The following NETO1 variants were observed in gnomAD, a reference collection of about 807,000 sequenced individuals.
NETO1 encodes the protein neuropilin and tolloid-like protein 1.
A neutral mutation model predicts 61.3 loss-of-function variants in NETO1; 26 were observed. The observed-to-expected ratio is 0.42, with a 90% CI of 0.31 to 0.59. The LOEUF (loss-of-function observed/expected upper bound fraction) is 0.59. Ranked by LOEUF, NETO1 falls within the 20% of genes least tolerant of loss-of-function variation. The pLI, the probability that NETO1 is intolerant of heterozygous loss-of-function variation, is 0.12. For synonymous variants in NETO1, 225 were observed against 225.8 expected, an observed-to-expected ratio of 1.00 and a Z score of 0.03; for missense variants, 531 against 662.8, an observed-to-expected ratio of 0.80 and a Z score of 2.18.
At chr18:72,748,752 T>C (rs1470708850) in intron 10 of NETO1, among the ~76,000 whole-genome samples, 2 of 152,102 alleles carry the variant, frequency 1.3e-5, no homozygotes, top group African/African-American at 2.4e-5. Flanking sequence ...AAAGTTTAGA[T>C]TATTAATTTG....
At chr18:72,835,892 C>G (rs554841336) in intron 4 of NETO1, among the ~76,000 whole-genome samples, 1 of 152,114 alleles carries the variant, frequency 6.6e-6, no homozygotes, top group East Asian at 1.9e-4. Flanking sequence ...GAGAGGAAAA[C>G]AAATAAATAC....
At position 72,865,521 on chromosome 18, in the gene NETO1, A is replaced by G. The variant is rs1599200424; in HGVS notation, c.29-280T>C. On this transcript the variant is annotated intron_variant, in intron 1 of 10. Coordinates refer to ENST00000327305, the MANE Select transcript of NETO1 (RefSeq NM_138966.5). ...CTAAAGGCAACATGTCAATTTACTC[A>G]TGTCACACACAGTACAGTGGGACTA... The G allele has an allele frequency of 1.6e-5, 25 of 1,581,958 alleles. No individual in the cohort carries two copies. The East Asian group carries it at 5.4e-4, about 34-fold the overall frequency.
chr18:72,772,815 CTCTCTCTCTCTA>C (rs2071408710), intron 7 of NETO1, among the ~76,000 whole-genome samples: 1 of 53,816 alleles, frequency 1.9e-5, no homozygotes, highest in Non-Finnish European at 3.6e-5. Flanking sequence ...CTCTCTCTCT[CTCTCTCTCTCTA>C]TATATATATA....
chr18:72,785,202 AT>A (rs151329921), intron 6 of NETO1, among the ~76,000 whole-genome samples: 5,215 of 151,646 alleles, frequency 0.034, 117 homozygotes, highest in African/African-American at 0.059. Context: ...TTCTGTATGT[AT>A]TTTTTTCTTA....
At chr18:72,766,851 TC>T (rs1401466629) in intron 7 of NETO1, among the ~76,000 whole-genome samples, 1 of 152,216 alleles carries the variant, frequency 6.6e-6, no homozygotes, top group Non-Finnish European at 1.5e-5. Context: ...TATTTTATCT[TC>T]CCTAGAAATT....
Position 72,835,241 on chromosome 18 carries a change from A to T in NETO1, c.469+23585T>A. 3 of 1,526,976 alleles carry T rather than the reference A, an allele frequency of 2.0e-6. No homozygotes were observed. The South Asian group carries it at 3.8e-5, about 19-fold the overall frequency. 94.6% of individuals were successfully genotyped at this position (1,526,976 alleles called of 1,614,324 possible). ...GTTAGATCAACGTTCTGGGCACCAC[A>T]GCATCCAGAGATGAGATGATGGAGA... On this transcript the variant is annotated intron_variant, in intron 4 of 10. Transcript: ENST00000327305.
intron 4 of NETO1, among the ~76,000 whole-genome samples, chr18:72,818,081 A>C (rs2145266213): frequency 6.6e-6 from 1 of 152,298 alleles, no homozygotes; most frequent in African/African-American, 2.4e-5. Flanking sequence ...AAATAAGATC[A>C]GCTTTCGTAA....
At chr18:72,827,739 A>G (rs1407508523) in intron 4 of NETO1, among the ~76,000 whole-genome samples, 1 of 149,580 alleles carries the variant, frequency 6.7e-6, no homozygotes, top group Non-Finnish European at 1.5e-5. Flanking sequence ...AAAAAAAAAG[A>G]AAGGGGAAAA....
chr18:72,823,221 A>C (rs2073261033), intron 4 of NETO1, among the ~76,000 whole-genome samples: 1 of 152,214 alleles, frequency 6.6e-6, no homozygotes, highest in African/African-American at 2.4e-5. Context: ...AAAAATTGCT[A>C]ACCTCATGGC....
intron 7 of NETO1, among the ~76,000 whole-genome samples, chr18:72,768,875 A>T (rs1176527155): frequency 6.6e-6 from 1 of 152,348 alleles, no homozygotes; most frequent in East Asian, 1.9e-4. Flanking sequence ...GCACTCCAGA[A>T]GTGTAAGATA....
At chr18:72,774,013 C>A (rs1183043396) in intron 7 of NETO1, among the ~76,000 whole-genome samples, 2 of 151,900 alleles carry the variant, frequency 1.3e-5, no homozygotes, top group Admixed American at 6.6e-5. Flanking sequence ...TAACATAAAA[C>A]TAAATGCATT....
rs966351495 is a variant in NETO1 at position 72,745,741 on chromosome 18, A to T, written c.*2438T>A. The T allele has an allele frequency of 1.2e-4, 18 of 152,352 alleles. No individual in the cohort carries two copies. Among genetic ancestry groups the T allele is most frequent in the African/African-American group, 3.8e-4 (16 of 41,576 alleles). The allele number at this position is 152,352 out of a possible 1,614,324, so 9.4% of individuals were successfully genotyped here. Reference sequence around the variant, plus strand: ...GCACCGCCAGAGCCCTCCAGAGAACATCTCCCAACTCTGCCAGAGCGCTGC... The same window carrying T: ...GCACCGCCAGAGCCCTCCAGAGAACTTCTCCCAACTCTGCCAGAGCGCTGC... On this transcript the variant is annotated 3_prime_UTR_variant, in exon 11 of 11. Coordinates refer to ENST00000327305, the MANE Select transcript of NETO1 (RefSeq NM_138966.5).
intron 4 of NETO1, among the ~76,000 whole-genome samples, chr18:72,809,105 C>T (rs2072777598): frequency 6.6e-6 from 1 of 152,156 alleles, no homozygotes; most frequent in South Asian, 2.1e-4. Flanking sequence ...TCTGTAAGTT[C>T]TAGCCATCAC....
At chr18:72,759,810 C>T (rs563535452) in intron 7 of NETO1, among the ~76,000 whole-genome samples, 4 of 152,264 alleles carry the variant, frequency 2.6e-5, no homozygotes, top group African/African-American at 9.6e-5. Context: ...GCTATTGTCC[C>T]TTATAAACCA....
At chr18:72,858,262 G>A (rs2074464747) in intron 4 of NETO1, among the ~76,000 whole-genome samples, 1 of 152,118 alleles carries the variant, frequency 6.6e-6, no homozygotes, top group African/African-American at 2.4e-5. Context: ...TTTGATAATT[G>A]CACACAATTT....
chr18:72,788,525 T>C (rs1568200849), intron 6 of NETO1, among the ~76,000 whole-genome samples: 3 of 151,980 alleles, frequency 2.0e-5, no homozygotes, highest in Non-Finnish European at 2.9e-5. Context: ...TTATTTAATG[T>C]AGCAAACTAC....
intron 6 of NETO1, 22 bp from the exon 7 acceptor site, chr18:72,783,928 A>T: frequency 6.6e-7 from 1 of 1,523,400 alleles, no homozygotes; most frequent in South Asian, 1.1e-5. Context: ...AAATAAAATA[A>T]TTTCCACATA....
At chr18:72,854,398 T>C (rs2156104) in intron 4 of NETO1, among the ~76,000 whole-genome samples, 149,483 of 152,282 alleles carry the variant, frequency 0.98, 73,379 homozygotes, top group East Asian at 1. Flanking sequence ...AAACTATCAT[T>C]GAAAAGGAAA....
chr18:72,847,816 A>G (rs1439755144), intron 4 of NETO1, among the ~76,000 whole-genome samples: 1 of 152,196 alleles, frequency 6.6e-6, no homozygotes. Context: ...AAAACCTTAC[A>G]TTGTTTATTT....
Sources: allele counts gnomAD v4.1 joint callset (sites outside exome capture counted in the v4.1 genomes callset), GRCh38; gene constraint gnomAD v4.1.1; transcripts MANE v1.5; gene names NCBI Gene and HGNC (gene_info 2026-07-23, HGNC 2026-07-21).